SERPINB8: variants seen among roughly 807,000 people sequenced by gnomAD.
SERPINB8 encodes serpin B8.
In SERPINB8, 25 loss-of-function variants were observed where a neutral mutation model predicts 35.3. That is an observed-to-expected ratio of 0.71 (90% CI 0.52 to 0.99). The LOEUF (loss-of-function observed/expected upper bound fraction) is 0.99, where lower values mean the gene tolerates loss of function less well. Among genes scored for constraint, SERPINB8 ranks in the 50% least tolerant of loss-of-function variants. The pLI, the probability that SERPINB8 is intolerant of heterozygous loss-of-function variation, is 0.00. For missense variants in SERPINB8, 484 were observed against 446.5 expected, an observed-to-expected ratio of 1.08 and a Z score of -0.76; for synonymous variants, 186 against 160.8, an observed-to-expected ratio of 1.16 and a Z score of -1.19.
intron 7 of SERPINB8, among the ~76,000 whole-genome samples, chr18:64,016,009 T>C (rs1448913735): frequency 6.6e-6 from 1 of 152,234 alleles, no homozygotes; most frequent in Non-Finnish European, 1.5e-5. Context: ...GCTGCTACTG[T>C]ATGTTAGAAA....
At chr18:64,015,615 T>A (rs1468107394) in intron 7 of SERPINB8, among the ~76,000 whole-genome samples, 1 of 152,216 alleles carries the variant, frequency 6.6e-6, no homozygotes, top group Non-Finnish European at 1.5e-5. Context: ...TGTCGATACC[T>A]TTTTCATTTC....
intron 1 of SERPINB8, among the ~76,000 whole-genome samples, chr18:63,977,756 C>CT (rs1233914667): frequency 2.0e-5 from 3 of 152,142 alleles, no homozygotes; most frequent in Non-Finnish European, 4.4e-5. Context: ...ATGAATAAAC[C>CT]AGTGTTTTTG....
rs201952924 is a variant in SERPINB8, at chr18:63,987,140, C to G, written c.987C>G (p.Ala329=). Residue 329 remains alanine (A), a synonymous_variant, in exon 7 of 7, where the codon GCC becomes GCG. Transcript: ENST00000397985. The stretch of plus-strand genomic sequence containing the variant: ...TCAATGAGGAAGGCACAGAGGCTGC[C>G]GCAGCCACTGCTGTGGTCAGGAATT... ...VEVNEEGTEA[A]AATAVVRNSR... is the part of the protein sequence containing the mutation. The G allele has an allele frequency of 1.2e-6, 2 of 1,614,132 alleles. No homozygotes were observed. The highest frequency in any genetic ancestry group is 8.5e-7 in the Non-Finnish European group (1 of 1,180,026).
In SERPINB8 at chr18:63,995,234, AG is replaced by A. The variant is rs150456906; in HGVS notation, c.71-9584del. Reference sequence around the variant, plus strand: ...GAGCCTCACGATCCTCTCCCCAGACAGCTAGACTTTTACAAATTAACAAGAC... The same window carrying A: ...GAGCCTCACGATCCTCTCCCCAGACACTAGACTTTTACAAATTAACAAGAC... On this transcript the variant is annotated intron_variant, in intron 1 of 1. Transcript: ENST00000493661. Among the ~76,000 whole-genome samples, 729 of 152,304 alleles carry A rather than the reference AG, an allele frequency of 4.8e-3. 9 individuals carry two copies. Among genetic ancestry groups the A allele is most frequent in the African/African-American group, 0.017 (700 of 41,550 alleles).
At chr18:63,979,713 T>A in intron 2 of SERPINB8, 88 bp from the exon 3 acceptor site, 2 of 1,494,948 alleles carry the variant, frequency 1.3e-6, no homozygotes, top group Admixed American at 1.9e-5. Context: ...TCCTGTGTGG[T>A]TTTTTTAGTA....
chr18:64,000,934 G>A (rs367888340), intron 1 of SERPINB8, among the ~76,000 whole-genome samples: 4 of 152,058 alleles, frequency 2.6e-5, no homozygotes, highest in Admixed American at 6.5e-5. Context: ...CATGTATTTC[G>A]AATCTCTCTT....
At chr18:63,992,924 C>T (rs1236052032), downstream of SERPINB8, among the ~76,000 whole-genome samples, 5 of 152,098 alleles carry the variant, frequency 3.3e-5, no homozygotes, top group Admixed American at 1.3e-4. Context: ...GAACAATAGG[C>T]GCTAGATTTT....
chr18:64,015,183 C>T (rs529050458), intron 7 of SERPINB8, among the ~76,000 whole-genome samples: 11 of 152,202 alleles, frequency 7.2e-5, no homozygotes, highest in Admixed American at 5.2e-4. Flanking sequence ...TCGGCCTGCC[C>T]AGTTGTGGGG....
At chr18:64,013,975 T>C (rs1009388797) in intron 7 of SERPINB8, among the ~76,000 whole-genome samples, 1 of 152,228 alleles carries the variant, frequency 6.6e-6, no homozygotes, top group Non-Finnish European at 1.5e-5. Flanking sequence ...TATTCATAAT[T>C]CATGCTATTG....
rs1390982429 is a variant in SERPINB8 at position 63,989,112 on chromosome 18, A to G, written c.*1834A>G. 6.6e-6 allele frequency: 1 copy of G among 152,208 alleles called. No individual in the cohort carries two copies. Among genetic ancestry groups the G allele is most frequent in the East Asian group, 1.9e-4 (1 of 5,194 alleles). The allele number at this position is 152,208 out of a possible 1,614,324, so 9.4% of individuals were successfully genotyped here. On this transcript the variant is annotated 3_prime_UTR_variant, in exon 7 of 7. Coordinates refer to ENST00000397985, the MANE Select transcript of SERPINB8 (RefSeq NM_002640.4). Reference sequence around the variant, plus strand: ...TTTCTGTCACTATAGATTAATTTGCATTTTTAAAGAAATTTACATACATGG... The same window carrying G: ...TTTCTGTCACTATAGATTAATTTGCGTTTTTAAAGAAATTTACATACATGG...
intron 1 of SERPINB8, among the ~76,000 whole-genome samples, chr18:63,973,504 C>A (rs1444044800): frequency 6.6e-6 from 1 of 152,132 alleles, no homozygotes; most frequent in Non-Finnish European, 1.5e-5. Context: ...AATTAGATCC[C>A]ATTTGTCTAC....
In SERPINB8 at chr18:64,016,053, T is replaced by TC. The variant is rs1055412336; in HGVS notation, c.*3-2851dup. ...ATACTAGACAGACCCTAGACACTTT[T>TC]CCCCCCTGGAAAGTGTCCATGACCT... On this transcript the variant is annotated intron_variant, in intron 7 of 7. Coordinates refer to the SERPINB8 transcript ENST00000636430. 3.3e-5 allele frequency among the ~76,000 whole-genome samples: 5 copies of TC among 152,286 alleles called. No individual in the cohort carries two copies. In the East Asian group the frequency reaches 5.8e-4, roughly 18 times the overall value.
chr18:63,973,521 T>G (rs1048809866), intron 1 of SERPINB8, among the ~76,000 whole-genome samples: 1 of 152,234 alleles, frequency 6.6e-6, no homozygotes, highest in Non-Finnish European at 1.5e-5. Context: ...CTACTTTGGC[T>G]TTTGTTGCCA....
rs1250172202 is a variant in SERPINB8 at position 63,981,717 on chromosome 18, G to A, written c.307-4G>A. On this transcript the variant is annotated splice_region_variant and splice_polypyrimidine_tract_variant and intron_variant, in intron 3 of 6. Coordinates refer to ENST00000397985, the MANE Select transcript of SERPINB8 (RefSeq NM_002640.4). The stretch of plus-strand genomic sequence containing the variant: ...AGACTAAACTCAGTGTTTTGTGTTT[G>A]CAGGACTTTAAAGAATACTGTCAGA... 2 of 1,596,494 alleles carry A rather than the reference G, an allele frequency of 1.3e-6. No individual in the cohort carries two copies. Among genetic ancestry groups the A allele is most frequent in the Non-Finnish European group, 1.7e-6 (2 of 1,166,774 alleles).
downstream of SERPINB8, among the ~76,000 whole-genome samples, chr18:63,993,917 T>TGAGGGGAGCA (rs2050836314): frequency 6.6e-6 from 1 of 152,200 alleles, no homozygotes; most frequent in Non-Finnish European, 1.5e-5. Flanking sequence ...GCCCTCCTTA[T>TGAGGGGAGCA]GAGGGGAGCA....
intron 7 of SERPINB8, among the ~76,000 whole-genome samples, chr18:64,016,890 A>G (rs1366055552): frequency 1.3e-5 from 2 of 152,200 alleles, no homozygotes; most frequent in Non-Finnish European, 2.9e-5. Flanking sequence ...GTAGTAACAG[A>G]GAATTGTTTT....
chr18:63,982,299 G>A (rs764705663), intron 4 of SERPINB8, among the ~76,000 whole-genome samples: 6 of 152,164 alleles, frequency 3.9e-5, no homozygotes, highest in Non-Finnish European at 7.3e-5. Flanking sequence ...TTTGCTCTCA[G>A]AGTGTGGCCT....
chr18:63,999,085 C>T (rs542023289), intron 1 of SERPINB8, among the ~76,000 whole-genome samples: 1 of 152,182 alleles, frequency 6.6e-6, no homozygotes, highest in Non-Finnish European at 1.5e-5. Context: ...GACATGAGAA[C>T]CTTTGGTCCT....
chr18:63,992,697 C>A (rs1044563008), downstream of SERPINB8, among the ~76,000 whole-genome samples: 1 of 152,092 alleles, frequency 6.6e-6, no homozygotes, highest in East Asian at 1.9e-4. Flanking sequence ...ATGCACTGAA[C>A]AAAGTAGGAT....
Sources: gnomAD v4.1 joint callset for allele counts (sites outside exome capture counted in the v4.1 genomes callset) on GRCh38, gnomAD v4.1.1 for gene constraint, MANE v1.5 for transcripts, NCBI Gene and HGNC (gene_info 2026-07-23, HGNC 2026-07-21) for gene names.